The following CEP152 variants were observed in gnomAD, a reference collection of about 807,000 sequenced individuals.
CEP152 encodes the protein centrosomal protein of 152 kDa.
Under a neutral mutation model 188.9 loss-of-function variants are expected in CEP152, and 132 were observed. The observed-to-expected ratio is 0.70, with a 90% CI of 0.61 to 0.81. The LOEUF (loss-of-function observed/expected upper bound fraction) is 0.81. Among genes scored for constraint, CEP152 ranks in the 30% least tolerant of loss-of-function variants. CEP152 has a pLI of 0.00. For synonymous variants in CEP152, 649 were observed against 666.6 expected, an observed-to-expected ratio of 0.97 and a Z score of 0.41; for missense variants, 1,914 against 1,969.8, an observed-to-expected ratio of 0.97 and a Z score of 0.54.
At chr15:48,798,790 C>A (rs1352899551) in intron 2 of CEP152, among the ~76,000 whole-genome samples, 2 of 152,100 alleles carry the variant, frequency 1.3e-5, no homozygotes, top group African/African-American at 2.4e-5. Context: ...ACTAGATAGA[C>A]AAAATTAATT....
chr15:48,745,289 C>T (rs1332730228), intron 22 of CEP152, among the ~76,000 whole-genome samples: 1 of 152,036 alleles, frequency 6.6e-6, no homozygotes, highest in Non-Finnish European at 1.5e-5. Flanking sequence ...TCTGTAGAAA[C>T]CTACTAGGTT....
chr15:48,788,686 C>T (rs982798364), intron 9 of CEP152, 115 bp downstream of exon 9: 2 of 1,046,938 alleles, frequency 1.9e-6, no homozygotes, highest in African/African-American at 3.1e-5. Context: ...CACACACAAT[C>T]TAACATTTAC....
chr15:48,745,259 T>C (rs1479190209), intron 22 of CEP152, among the ~76,000 whole-genome samples: 1 of 152,028 alleles, frequency 6.6e-6, no homozygotes, highest in East Asian at 1.9e-4. Flanking sequence ...CTGTGTTTTG[T>C]TTTCCAACTG....
chr15:48,732,485 G>A (rs543651210), intron 2 of CEP152, among the ~76,000 whole-genome samples: 2 of 151,982 alleles, frequency 1.3e-5, no homozygotes, highest in East Asian at 3.9e-4. Context: ...GAGAACATTG[G>A]GAGCTGAACA....
At position 48,805,535 on chromosome 15, in the gene CEP152, C is replaced by CTT. The variant is rs372967874; in HGVS notation, c.87+26_87+27dup. 10,015 of 1,228,752 alleles carry CTT rather than the reference C, an allele frequency of 8.2e-3. 27 individuals carry two copies. Among genetic ancestry groups the CTT allele is most frequent in the East Asian group, 0.04 (1,362 of 33,874 alleles). The allele number at this position is 1,228,752 out of a possible 1,614,324, so 76.1% of individuals were successfully genotyped here. On this transcript the variant is annotated intron_variant, in intron 2 of 26. Coordinates refer to ENST00000380950, the MANE Select transcript of CEP152 (RefSeq NM_001194998.2). ...TTGTTAAAGATTGGGTTTAGTGTCT[C>CTT]TTTTTTTTTTTTTTTTTAACAACTT...
At chr15:48,807,130 T>G (rs201979842) in intron 1 of CEP152, among the ~76,000 whole-genome samples, 1 of 152,190 alleles carries the variant, frequency 6.6e-6, no homozygotes, top group East Asian at 1.9e-4. Context: ...CTTAAAACCC[T>G]CCAGCCTCTG....
chr15:48,799,919 A>T (rs1897569930), intron 2 of CEP152, among the ~76,000 whole-genome samples: 2 of 152,214 alleles, frequency 1.3e-5, no homozygotes, highest in South Asian at 4.1e-4. Flanking sequence ...AAGGAAAAAT[A>T]AAACAAATCT....
rs767103785 is a variant in CEP152, at chr15:48,756,114, T to C, written c.3134A>G (p.Asp1045Gly). ...IQLEIYQYEE[D>G]ILTVLGVLLS... The stretch of plus-strand genomic sequence containing the variant: ...AAGAACCCCAAGTACAGTCAGGATG[T>C]CTTCCTCATACTGATAGATTTCCAG... Residue 1045 changes from aspartate to glycine, a missense_variant, in exon 20 of 27, where the codon GAC becomes GGC. Transcript: ENST00000380950. 1 of 1,614,160 alleles carries C rather than the reference T, an allele frequency of 6.2e-7. No homozygotes were observed. The highest frequency in any genetic ancestry group is 2.2e-5 in the East Asian group (1 of 44,884).
At chr15:48,751,521 A>G (rs1166213279) in intron 21 of CEP152, among the ~76,000 whole-genome samples, 1 of 152,200 alleles carries the variant, frequency 6.6e-6, no homozygotes, top group African/African-American at 2.4e-5. Flanking sequence ...TTCTGGTAAC[A>G]TTGCCTTCTG....
chr15:48,780,575 T>C (rs755234081), intron 12 of CEP152, among the ~76,000 whole-genome samples: 17 of 152,194 alleles, frequency 1.1e-4, no homozygotes, highest in Admixed American at 1.3e-4. Context: ...GCCAAACGCA[T>C]CCAAAAATCT....
chr15:48,739,348 T>C (rs1389727182), intron 26 of CEP152, 60 bp from the exon 27 acceptor site: 1 of 1,514,742 alleles, frequency 6.6e-7, no homozygotes, highest in African/African-American at 1.4e-5. Flanking sequence ...GGAAGATTCA[T>C]CCTTGAACAA....
downstream of CEP152, among the ~76,000 whole-genome samples, chr15:48,734,791 T>A (rs1432924726): frequency 6.6e-6 from 1 of 152,118 alleles, no homozygotes; most frequent in Non-Finnish European, 1.5e-5. Flanking sequence ...AGGGATATTT[T>A]AAAATAATAA....
intron 21 of CEP152, 35 bp downstream of exon 21, chr15:48,752,314 T>C (rs748733596): frequency 1.2e-6 from 2 of 1,613,968 alleles, no homozygotes; most frequent in Non-Finnish European, 1.7e-6. Flanking sequence ...TGATTATGGA[T>C]GCTACAAAGA....
intron 1 of CEP152, among the ~76,000 whole-genome samples, chr15:48,809,036 T>G (rs1898173777): frequency 6.6e-6 from 1 of 152,210 alleles, no homozygotes; most frequent in African/African-American, 2.4e-5. Context: ...GACCCAGCAT[T>G]CCTTTTGTTG....
Position 48,762,474 on chromosome 15 carries a change from C to G in CEP152, c.2479G>C (p.Glu827Gln). The G allele has an allele frequency of 6.2e-7, 1 of 1,614,058 alleles. No individual in the cohort carries two copies. Among genetic ancestry groups the G allele is most frequent in the Non-Finnish European group, 8.5e-7 (1 of 1,179,976 alleles). ...GCCCCCTTGATGGCTATGTCCTTCTCTTGTTCTAAGTTTTGCTGGATTGTG... is the reference window on the plus strand; with the variant it reads ...GCCCCCTTGATGGCTATGTCCTTCTGTTGTTCTAAGTTTTGCTGGATTGTG... Reference protein sequence around the residue: ...KCTIQQNLEQEKDIAIKGAMK... With the variant: ...KCTIQQNLEQQKDIAIKGAMK... The change falls in exon 18 of 27, where the codon GAG becomes CAG. Residue 827 changes from glutamate (E) to glutamine (Q), a missense_variant. Glu to Gln is a conservative substitution (Grantham distance 29). Transcript: ENST00000380950.
chr15:48,768,346 A>C lies in CEP152; in HGVS notation c.1909-18T>G, dbSNP rs1174526393. 3 of 1,320,566 alleles carry C rather than the reference A, an allele frequency of 2.3e-6. No individual in the cohort carries two copies. Among genetic ancestry groups the C allele is most frequent in the Non-Finnish European group, 3.3e-6 (3 of 914,008 alleles). 81.8% of individuals were successfully genotyped at this position (1,320,566 alleles called of 1,614,324 possible). On this transcript the variant is annotated intron_variant, in intron 14 of 26. Transcript: ENST00000380950. ...TTAAGTTCCTAGACACAAAAGAATA[A>C]ACTTAGTACTTACAGAAAATAAACA...
intron 5 of CEP152, 85 bp downstream of exon 5, chr15:48,797,216 C>A: frequency 6.8e-7 from 1 of 1,464,226 alleles, no homozygotes; most frequent in Non-Finnish European, 9.5e-7. Context: ...CCATTGTACT[C>A]ACATACATTT....
chr15:48,784,645 C>T (rs1449709393), intron 9 of CEP152, among the ~76,000 whole-genome samples: 1 of 152,142 alleles, frequency 6.6e-6, no homozygotes, highest in Non-Finnish European at 1.5e-5. Context: ...TTCTTTTAAA[C>T]TTGATCTGTT....
rs202018377 is a variant in CEP152 at position 48,738,814 on chromosome 15, G to T, written c.4568C>A (p.Thr1523Asn). Residue 1523 changes from threonine (T) to asparagine (N), a missense_variant, in exon 27 of 27, where the codon ACC becomes AAC. Thr to Asn is a moderately conservative substitution (Grantham distance 65, BLOSUM62 0). Transcript: ENST00000380950. ...AAGTCTTTCATTAGAATCGCGAAAG[G>T]TTATATGCATGCATCCTGATTCAGA... ...GPSESGCMHI[T>N]FRDSNERLGL... The T allele has an allele frequency of 1.1e-5, 17 of 1,614,160 alleles. No homozygotes were observed. The highest frequency in any genetic ancestry group is 5.5e-5 in the South Asian group (5 of 91,076).
Sources: gnomAD v4.1 joint callset for allele counts (sites outside exome capture counted in the v4.1 genomes callset) on GRCh38, gnomAD v4.1.1 for gene constraint, MANE v1.5 for transcripts, NCBI Gene and HGNC (gene_info 2026-07-23, HGNC 2026-07-21) for gene names.